The following PCDHGA5 variants were observed in gnomAD, a reference collection of about 807,000 sequenced individuals.
PCDHGA5 encodes the protein protocadherin gamma subfamily A, 5.
PCDHGA5 carries 36 observed loss-of-function variants against 56.7 expected under a neutral mutation model. The observed-to-expected ratio is 0.64, with a 90% CI of 0.49 to 0.84. The LOEUF is 0.84. Among genes scored for constraint, PCDHGA5 ranks in the 40% least tolerant of loss-of-function variants. The pLI is 0.00. For synonymous variants in PCDHGA5, 563 were observed against 520.2 expected (o/e 1.08, Z -1.12); for missense variants, 1,305 against 1,201.5 (o/e 1.09, Z -1.27).
intron 1 of PCDHGA5, among the ~76,000 whole-genome samples, chr5:141,462,771 G>C (rs1295560657): frequency 6.6e-6 from 1 of 152,088 alleles, no homozygotes; most frequent in Non-Finnish European, 1.5e-5. Context: ...CTGGCTTGGG[G>C]TCATAATTTG....
intron 1 of PCDHGA5, among the ~76,000 whole-genome samples, chr5:141,459,111 A>G (rs2098961190): frequency 1.3e-5 from 2 of 152,218 alleles, no homozygotes; most frequent in Non-Finnish European, 2.9e-5. Flanking sequence ...CATTTTGACA[A>G]TTGTTTACAT....
chr5:141,422,485 A>G, intron 1 of PCDHGA5: 2 of 1,613,980 alleles, frequency 1.2e-6, no homozygotes, highest in Non-Finnish European at 1.7e-6. Context: ...CCAGAGCTAC[A>G]ATATAACGTT....
chr5:141,383,620 G>C, intron 1 of PCDHGA5: 1 of 1,613,872 alleles, frequency 6.2e-7, no homozygotes, highest in Middle Eastern at 1.6e-4. Flanking sequence ...CCACACGCCT[G>C]TCTTCTCTCT....
intron 1 of PCDHGA5, among the ~76,000 whole-genome samples, chr5:141,381,235 C>T (rs760639728): frequency 6.6e-6 from 1 of 152,270 alleles, no homozygotes; most frequent in Non-Finnish European, 1.5e-5. Context: ...ACCAACTACT[C>T]TCCAGGACCT....
intron 1 of PCDHGA5, chr5:141,420,414 T>C: frequency 8.2e-7 from 1 of 1,221,674 alleles, no homozygotes; most frequent in Non-Finnish European, 1.1e-6. Flanking sequence ...GTTATCATTA[T>C]TAAAACAAAA....
Position 141,487,125 on chromosome 5 carries a change from G to A in PCDHGA5, c.2422-7682G>A. 6.2e-7 allele frequency: 1 copy of A among 1,614,112 alleles called. No homozygotes were observed. The highest frequency in any genetic ancestry group is 8.5e-7 in the Non-Finnish European group (1 of 1,179,994). The stretch of plus-strand genomic sequence containing the variant: ...CTGGTCATTGTGGTAAAGGATAGTG[G>A]TAGTCCACCACTCTCTACCTCTGTT... On this transcript the variant is annotated intron_variant, in intron 1 of 3. Coordinates refer to ENST00000518069, the MANE Select transcript of PCDHGA5 (RefSeq NM_018918.3). This position sits in a 1 kb window ranked among gnomAD's most constrained non-coding sequence, Gnocchi z 5.0.
chr5:141,481,871 G>A (rs372191396), intron 1 of PCDHGA5, among the ~76,000 whole-genome samples: 73 of 144,864 alleles, frequency 5.0e-4, no homozygotes, highest in Non-Finnish European at 9.7e-4. Context: ...CCGAGATCGC[G>A]CCACTGCACT....
chr5:141,510,709 CAGTGAGTAAGGAA>C (rs1452833908), intron 3 of PCDHGA5, among the ~76,000 whole-genome samples: 7 of 152,168 alleles, frequency 4.6e-5, no homozygotes, highest in Admixed American at 4.6e-4. Flanking sequence ...CCCAGGATCA[CAGTGAGTAAGGAA>C]AGGAGCTAGG....
intron 1 of PCDHGA5, chr5:141,417,227 T>G (rs2096097098): frequency 6.6e-6 from 1 of 152,172 alleles, no homozygotes; most frequent in South Asian, 2.1e-4. Flanking sequence ...ACAAAAAAAT[T>G]TGTTGCTTAT....
At chr5:141,398,041 G>A in intron 1 of PCDHGA5, 3 of 1,492,894 alleles carry the variant, frequency 2.0e-6, no homozygotes, top group Non-Finnish European at 2.7e-6. Context: ...ACTAAAGCCC[G>A]TTCGGAGATC....
intron 1 of PCDHGA5, chr5:141,419,559 T>C: frequency 6.2e-7 from 1 of 1,611,930 alleles, no homozygotes. Context: ...TACCCTGCGC[T>C]GGGTCCCGAC....
intron 1 of PCDHGA5, chr5:141,394,735 G>C: frequency 6.2e-7 from 1 of 1,613,450 alleles, no homozygotes; most frequent in Non-Finnish European, 8.5e-7. Context: ...CTCAAGCAGA[G>C]CCTCGTGGTG....
rs1216200329 is a variant in PCDHGA5, at chr5:141,491,485, C to G, written c.2422-3322C>G. ...CTTCTATAAGCAGTCCAGCCCCAAC[C>G]TGCAGGTGAGCTCGGACGGCACGCT... On this transcript the variant is annotated intron_variant, in intron 1 of 3. Coordinates refer to ENST00000518069, the MANE Select transcript of PCDHGA5 (RefSeq NM_018918.3). This position sits in a 1 kb window ranked among gnomAD's most constrained non-coding sequence, Gnocchi z 6.9. 6.2e-7 allele frequency: 1 copy of G among 1,614,148 alleles called. No individual in the cohort carries two copies. The highest frequency in any genetic ancestry group is 1.3e-5 in the African/African-American group (1 of 75,064).
rs2099609528 is a variant in PCDHGA5 at position 141,485,211 on chromosome 5, G to A, written c.2422-9596G>A. 6.2e-7 allele frequency: 1 copy of A among 1,614,126 alleles called. No individual in the cohort carries two copies. The highest frequency in any genetic ancestry group is 8.5e-7 in the Non-Finnish European group (1 of 1,179,980). Reference sequence around the variant, plus strand: ...GTGAGAAGCTGGACAGAAATCTGGCGGTGGGCTACCCTTTTGTTCCTCTTT... The same window carrying A: ...GTGAGAAGCTGGACAGAAATCTGGCAGTGGGCTACCCTTTTGTTCCTCTTT... On this transcript the variant is annotated intron_variant, in intron 1 of 3. Transcript: ENST00000518069. This position sits in a 1 kb window ranked among gnomAD's most constrained non-coding sequence, Gnocchi z 5.7.
intron 1 of PCDHGA5, among the ~76,000 whole-genome samples, chr5:141,450,826 A>ATT (rs764729742): frequency 0.025 from 3,390 of 134,266 alleles, 60 homozygotes; most frequent in Middle Eastern, 0.057. Flanking sequence ...TATTATTATT[A>ATT]TTATTTTTTT....
intron 1 of PCDHGA5, chr5:141,405,325 G>A: frequency 5.6e-6 from 9 of 1,614,170 alleles, no homozygotes; most frequent in African/African-American, 1.3e-5. Context: ...ATGAGCCTTT[G>A]TGCGTCTCTG....
rs1763385231 is a variant in PCDHGA5 at position 141,364,531 on chromosome 5, C to T, written c.201C>T (p.Val67=). Reference sequence around the variant, plus strand: ...TGGCGGAGCGCGGAGTCCGCATCGTCTCCAGAGGTAGGACGCAGCTTTTTG... The same window carrying T: ...TGGCGGAGCGCGGAGTCCGCATCGTTTCCAGAGGTAGGACGCAGCTTTTTG... ...QELAERGVRI[V]SRGRTQLFAL... is the part of the protein sequence containing the mutation. The change falls in exon 1 of 4, where the codon GTC becomes GTT. Residue 67 remains valine, a synonymous_variant. Transcript: ENST00000518069. The T allele has an allele frequency of 1.2e-6, 2 of 1,613,976 alleles. No homozygotes were observed. The highest frequency in any genetic ancestry group is 2.7e-5 in the African/African-American group (2 of 74,958).
At chr5:141,374,042 C>G (rs757758510) in intron 1 of PCDHGA5, 4 of 1,460,408 alleles carry the variant, frequency 2.7e-6, no homozygotes, top group Admixed American at 5.4e-5. Context: ...CAGATCTGTT[C>G]TTCCTCTTCT....
At chr5:141,418,484 C>T (rs771278923) in intron 1 of PCDHGA5, 1 of 1,613,878 alleles carries the variant, frequency 6.2e-7, no homozygotes, top group East Asian at 2.2e-5. Flanking sequence ...GAGCGCTCAC[C>T]ACTTGGTACT....
Sources: gnomAD v4.1 joint callset for allele counts (sites outside exome capture counted in the v4.1 genomes callset) on GRCh38, gnomAD v4.1.1 for gene constraint, Gnocchi (gnomAD v3.1) non-coding constraint, MANE v1.5 for transcripts, NCBI Gene and HGNC (gene_info 2026-07-23, HGNC 2026-07-21) for gene names.